MTFR1: variants seen among roughly 807,000 people sequenced by gnomAD.
The protein encoded by MTFR1 is mitochondrial fission regulator 1.
A neutral mutation model predicts 38.8 loss-of-function variants in MTFR1; 28 were observed. That is an observed-to-expected ratio of 0.72 (90% confidence interval 0.53 to 0.99). The LOEUF (loss-of-function observed/expected upper bound fraction) is 0.99. Among genes scored for constraint, MTFR1 ranks in the 50% least tolerant of loss-of-function variants. MTFR1 has a pLI of 0.00. For missense variants in MTFR1, 358 were observed against 395.5 expected (o/e 0.91, Z 0.81); for synonymous variants, 145 against 137.0 (o/e 1.06, Z -0.41).
At chr8:65,645,094 C>G (rs1415685502) in intron 1 of MTFR1, among the ~76,000 whole-genome samples, 1 of 152,230 alleles carries the variant, frequency 6.6e-6, no homozygotes, top group Non-Finnish European at 1.5e-5. Context: ...TGCCCCCTCC[C>G]CCGACCTTCG....
At chr8:65,707,732 G>C (rs1258722955) in intron 6 of MTFR1, 111 bp from the exon 7 acceptor site, 24 of 1,321,414 alleles carry the variant, frequency 1.8e-5, no homozygotes, top group Non-Finnish European at 2.4e-5. Flanking sequence ...GGTCTCTATG[G>C]AGTAGCTATG....
chr8:65,742,157 AG>A (rs768041301), intron 3 of MTFR1, among the ~76,000 whole-genome samples: 1 of 152,254 alleles, frequency 6.6e-6, no homozygotes, highest in Non-Finnish European at 1.5e-5. Context: ...TTCTTGAAAA[AG>A]AAAATTGTAT....
chr8:65,650,481 T>TA (rs1407192757), intron 1 of MTFR1, among the ~76,000 whole-genome samples: 1 of 152,140 alleles, frequency 6.6e-6, no homozygotes, highest in Non-Finnish European at 1.5e-5. Flanking sequence ...CAACCATCCT[T>TA]ATACTCTTAT....
At chr8:65,767,107 A>G (rs1808826183) in intron 3 of MTFR1, among the ~76,000 whole-genome samples, 1 of 152,264 alleles carries the variant, frequency 6.6e-6, no homozygotes, top group South Asian at 2.1e-4. Flanking sequence ...TCATACACTT[A>G]GAAGAATTAG....
chr8:65,689,526 C>T (rs555252141), intron 3 of MTFR1: 2 of 1,208,916 alleles, frequency 1.7e-6, no homozygotes, highest in East Asian at 1.2e-4. Flanking sequence ...AAAAAAATTT[C>T]TATCTCTTCA....
At chr8:65,746,358 T>A (rs1807676808) in intron 3 of MTFR1, among the ~76,000 whole-genome samples, 1 of 152,210 alleles carries the variant, frequency 6.6e-6, no homozygotes, top group African/African-American at 2.4e-5. Flanking sequence ...AACCTAGGCA[T>A]CTGACACTGA....
intron 3 of MTFR1, among the ~76,000 whole-genome samples, chr8:65,734,274 C>T (rs1585842134): frequency 6.6e-6 from 1 of 152,296 alleles, no homozygotes; most frequent in South Asian, 2.1e-4. Context: ...TTCACCACCA[C>T]ATCCTGTTCA....
chr8:65,649,652 C>CAATTATACT (rs1488483656), intron 1 of MTFR1, among the ~76,000 whole-genome samples: 6 of 152,010 alleles, frequency 3.9e-5, no homozygotes, highest in Admixed American at 3.9e-4. Flanking sequence ...ACAAACAATC[C>CAATTATACT]AATTATACTT....
At chr8:65,674,439 C>T (rs527263252) in intron 2 of MTFR1, among the ~76,000 whole-genome samples, 1 of 151,310 alleles carries the variant, frequency 6.6e-6, no homozygotes, top group African/African-American at 2.4e-5. Context: ...CAGTGAGACA[C>T]GATCTCTACA....
intron 3 of MTFR1, chr8:65,739,533 A>G (rs2128900943): frequency 6.4e-7 from 1 of 1,571,068 alleles, no homozygotes; most frequent in East Asian, 2.3e-5. Context: ...TCATATCTAA[A>G]TGGAAGTACT....
chr8:65,669,049 A>G (rs1015598183), intron 1 of MTFR1, among the ~76,000 whole-genome samples: 1 of 152,230 alleles, frequency 6.6e-6, no homozygotes, highest in Admixed American at 6.5e-5. Flanking sequence ...GCCTTTCAGC[A>G]TCTGAATTTC....
chr8:65,766,939 G>A (rs1040279848), intron 3 of MTFR1, among the ~76,000 whole-genome samples: 5 of 152,048 alleles, frequency 3.3e-5, no homozygotes, highest in Admixed American at 3.3e-4. Flanking sequence ...ATGGGTCTTG[G>A]AAAAGTATTA....
At chr8:65,661,900 A>G (rs1291825699) in intron 1 of MTFR1, among the ~76,000 whole-genome samples, 1 of 151,924 alleles carries the variant, frequency 6.6e-6, no homozygotes, top group Non-Finnish European at 1.5e-5. Context: ...AGAGGTGGAG[A>G]ATGCAATGAG....
At chr8:65,697,030 G>A (rs920756260) in intron 4 of MTFR1, among the ~76,000 whole-genome samples, 2 of 144,554 alleles carry the variant, frequency 1.4e-5, no homozygotes, top group Non-Finnish European at 3.0e-5. Flanking sequence ...TGTCACCCAG[G>A]CTGGAGTGCA....
At chr8:65,756,523 G>T (rs1212040659) in intron 3 of MTFR1, among the ~76,000 whole-genome samples, 1 of 151,916 alleles carries the variant, frequency 6.6e-6, no homozygotes, top group Non-Finnish European at 1.5e-5. Context: ...CTGCTCAAAG[G>T]TTTCAACAGC....
At chr8:65,693,573 A>T in intron 3 of MTFR1, 71 bp from the exon 4 acceptor site, 3 of 1,272,270 alleles carry the variant, frequency 2.4e-6, no homozygotes, top group Non-Finnish European at 2.3e-6. Context: ...ATTTTCCTTT[A>T]GGTGAGTAAA....
chr8:65,673,505 G>A (rs1157407949), intron 2 of MTFR1, among the ~76,000 whole-genome samples: 1 of 151,864 alleles, frequency 6.6e-6, no homozygotes, highest in Non-Finnish European at 1.5e-5. Flanking sequence ...TTAAAACCTG[G>A]ATGACGGGTT....
chr8:65,740,501 A>C, intron 3 of MTFR1, among the ~76,000 whole-genome samples: 1 of 152,028 alleles, frequency 6.6e-6, no homozygotes, highest in Admixed American at 6.5e-5. Context: ...CCTGAGTTCA[A>C]GCGATTCTCC....
chr8:65,662,061 C>G (rs1375129087), intron 1 of MTFR1, among the ~76,000 whole-genome samples: 2 of 83,496 alleles, frequency 2.4e-5, no homozygotes, highest in Non-Finnish European at 5.5e-5. Flanking sequence ...CTCCCTCTCT[C>G]TCTCCCTCTC....
Sources: allele counts gnomAD v4.1 joint callset (sites outside exome capture counted in the v4.1 genomes callset), GRCh38; gene constraint gnomAD v4.1.1; transcripts MANE v1.5; gene names NCBI Gene and HGNC (gene_info 2026-07-23, HGNC 2026-07-21).